Variants in PLCB2 observed in about 807,000 individuals in gnomAD.
The protein encoded by PLCB2 is 1-phosphatidylinositol 4,5-bisphosphate phosphodiesterase beta-2.
In PLCB2, 115 loss-of-function variants were observed where a neutral mutation model predicts 141.7. That is an observed-to-expected ratio of 0.81 (90% CI 0.70 to 0.95). The LOEUF is 0.95. Ranked by LOEUF, PLCB2 falls within the 40% of genes least tolerant of loss-of-function variation. The probability of loss-of-function intolerance (pLI) is 0.00; values close to 1 mark genes in which losing one functional copy is unlikely to be tolerated. For synonymous variants in PLCB2, 603 were observed against 595.6 expected, an observed-to-expected ratio of 1.01 and a Z score of -0.18; for missense variants, 1,403 against 1,541.1, an observed-to-expected ratio of 0.91 and a Z score of 1.50.
chr15:40,284,444 C>T (rs1436081016), downstream of PLCB2: 1 of 454,394 alleles, frequency 2.2e-6, no homozygotes, highest in Non-Finnish European at 4.4e-6. Flanking sequence ...CGTACCAACA[C>T]AGTCCTTGGA....
chr15:40,306,391 C>T (rs28536685), intron 1 of PLCB2, among the ~76,000 whole-genome samples: 1,979 of 152,208 alleles, frequency 0.013, 47 homozygotes, highest in African/African-American at 0.045. Context: ...GGACAGTCTC[C>T]GCTGGCCACC....
rs562788467 is a variant in PLCB2, at chr15:40,300,032, T to G, written c.583-804A>C. Among the ~76,000 whole-genome samples the G allele has an allele frequency of 1.5e-3, 231 of 152,282 alleles. 1 individual carries two copies. The highest frequency in any genetic ancestry group is 5.4e-3 in the African/African-American group (223 of 41,556). On this transcript the variant is annotated intron_variant, in intron 7 of 31. Coordinates refer to ENST00000260402, the MANE Select transcript of PLCB2 (RefSeq NM_004573.3). Reference sequence around the variant, plus strand: ...AACAAAAAACAGACAATCACAAGTGTCAGCGGGATGTGACTAACCTAAAAC... The same window carrying G: ...AACAAAAAACAGACAATCACAAGTGGCAGCGGGATGTGACTAACCTAAAAC...
chr15:40,285,584 C>T, downstream of PLCB2: 1 of 985,422 alleles, frequency 1.0e-6, no homozygotes, highest in Non-Finnish European at 1.2e-6. Flanking sequence ...TGGGGTGGCC[C>T]CCAGGAATGG....
chr15:40,288,471 T>C lies in PLCB2; in HGVS notation c.*244A>G, dbSNP rs926015219. 1 of 1,260,196 alleles carries C rather than the reference T, an allele frequency of 7.9e-7. No homozygotes were observed. Among genetic ancestry groups the C allele is most frequent in the Non-Finnish European group, 1.0e-6 (1 of 1,002,040 alleles). 78.1% of individuals were successfully genotyped at this position (1,260,196 alleles called of 1,614,324 possible). ...CAAATATATGACACTTATCTAGAGA[T>C]GGAGGGGGAGGTAGGAAGTCAGCTT... is the stretch of plus-strand genomic sequence containing the variant. On this transcript the variant is annotated 3_prime_UTR_variant, in exon 32 of 32. Coordinates refer to ENST00000260402, the MANE Select transcript of PLCB2 (RefSeq NM_004573.3).
At chr15:40,298,190 CA>C (rs2040329498) in intron 11 of PLCB2, 32 bp downstream of exon 11, 1 of 1,531,018 alleles carries the variant, frequency 6.5e-7, no homozygotes, top group Non-Finnish European at 8.8e-7. Context: ...TCCCTACTGC[CA>C]CGGCCACCAG....
Position 40,304,057 on chromosome 15 carries a change from C to T in PLCB2, c.106G>A (p.Val36Ile). 6.2e-7 allele frequency: 1 copy of T among 1,600,588 alleles called. No homozygotes were observed. The highest frequency in any genetic ancestry group is 1.3e-5 in the African/African-American group (1 of 74,930). The change falls in exon 2 of 32, where the codon GTT (valine) becomes ATT (isoleucine). Residue 36 changes from valine to isoleucine, a missense_variant. Transcript: ENST00000260402. ...CCCTTAGGATCCACACGGAGGATAA[C>T]TGGAGAGGCAACTGTAGTTTCCTGC... Reference protein sequence around the residue: ...WDDETTVASPVILRVDPKGYY... With the variant: ...WDDETTVASPIILRVDPKGYY...
rs1294024793 is a variant in PLCB2, at chr15:40,288,564, C to T, written c.*151G>A. 2.2e-6 allele frequency: 3 copies of T among 1,385,224 alleles called. No homozygotes were observed. In the East Asian group the frequency reaches 7.7e-5, roughly 35 times the overall value. 85.8% of individuals were successfully genotyped at this position (1,385,224 alleles called of 1,614,324 possible). On this transcript the variant is annotated 3_prime_UTR_variant, in exon 32 of 32. Coordinates refer to ENST00000260402, the MANE Select transcript of PLCB2 (RefSeq NM_004573.3). Reference sequence around the variant, plus strand: ...CCTGGGTCCTGTCTCAGACTCTGGCCTGGCCGTTGAGGAGGGGGCTGCAGC... The same window carrying T: ...CCTGGGTCCTGTCTCAGACTCTGGCTTGGCCGTTGAGGAGGGGGCTGCAGC...
chr15:40,307,603 T>G lies in PLCB2; in HGVS notation c.70A>C (p.Ile24Leu), dbSNP rs774673471. The change falls in exon 1 of 32, where the codon ATC becomes CTC. Residue 24 changes from isoleucine to leucine, a missense_variant. Ile to Leu is a conservative substitution (Grantham distance 5). Coordinates refer to ENST00000260402, the MANE Select transcript of PLCB2 (RefSeq NM_004573.3). Reference protein sequence around the residue: ...KAYLSQGERFIKWDDETTVAS... With the variant: ...KAYLSQGERFLKWDDETTVAS... The stretch of plus-strand genomic sequence containing the variant: ...GCCCCACTTACATCATCCCATTTGA[T>G]GAAGCGCTCCCCTTGGCTCAGATAG... 5 of 1,587,410 alleles carry G rather than the reference T, an allele frequency of 3.1e-6. No homozygotes were observed. Among genetic ancestry groups the G allele is most frequent in the Non-Finnish European group, 4.3e-6 (5 of 1,165,074 alleles).
downstream of PLCB2, among the ~76,000 whole-genome samples, chr15:40,287,341 A>G (rs2039627482): frequency 6.6e-6 from 1 of 152,192 alleles, no homozygotes; most frequent in Non-Finnish European, 1.5e-5. Flanking sequence ...AGGTGCTCAC[A>G]GCTAACGGCA....
Position 40,297,303 on chromosome 15 carries a change from G to GGTAATACA in PLCB2, c.1323+210_1323+217dup, listed in dbSNP as rs59419768. Among the ~76,000 whole-genome samples, 41,094 of 151,692 alleles carry GGTAATACA rather than the reference G, an allele frequency of 0.27. 6,253 individuals carry two copies. Among genetic ancestry groups the GGTAATACA allele is most frequent in the East Asian group, 0.65 (3,332 of 5,092 alleles). ...TTACTTGTCTGTCTCCTCACTAGAG[G>GGTAATACA]GTAATACACCTGAGGGCAGTGACTG... On this transcript the variant is annotated intron_variant, in intron 13 of 31. Coordinates refer to ENST00000260402, the MANE Select transcript of PLCB2 (RefSeq NM_004573.3). The surrounding 1 kb of genome is among the most constrained non-coding windows in gnomAD (Gnocchi z 4.2).
At chr15:40,284,834 GTC>G (rs2039586927), downstream of PLCB2, among the ~76,000 whole-genome samples, 1 of 22,434 alleles carries the variant, frequency 4.5e-5, no homozygotes, top group East Asian at 5.3e-3. Context: ...GTGAGACTCC[GTC>G]AAAAAAAAAA....
chr15:40,301,257 C>T (rs1323020880), intron 7 of PLCB2: 1 of 358,442 alleles, frequency 2.8e-6, no homozygotes, highest in Non-Finnish European at 5.1e-6. Context: ...GGAGAAAATA[C>T]TCCATGGGGT....
In PLCB2 at chr15:40,297,840, TG is replaced by T; in HGVS notation, c.1238+36del. On this transcript the variant is annotated intron_variant, in intron 12 of 31. Transcript: ENST00000260402. The surrounding 1 kb of genome is among the most constrained non-coding windows in gnomAD (Gnocchi z 4.2). ...CAGTTGCAGACAGGAGACTGGGGGC[TG>T]GGTGAGAATGTGGCTGAATGGGCCT... 1 of 1,515,928 alleles carries T rather than the reference TG, an allele frequency of 6.6e-7. No individual in the cohort carries two copies. 93.9% of individuals were successfully genotyped at this position (1,515,928 alleles called of 1,614,324 possible).
In PLCB2 at chr15:40,298,408, G is replaced by C. The variant is rs28395841; in HGVS notation, c.998-28C>G. 10,863 of 1,574,626 alleles carry C rather than the reference G, an allele frequency of 6.9e-3. 201 individuals carry two copies. Among genetic ancestry groups the C allele is most frequent in the East Asian group, 0.065 (2,899 of 44,366 alleles). ...GAGCCAGAGGATGGGGAAGAGGTGA[G>C]GGCATCACCCAAAGGCAGCCCAGCT... On this transcript the variant is annotated intron_variant, in intron 10 of 31. Coordinates refer to ENST00000260402, the MANE Select transcript of PLCB2 (RefSeq NM_004573.3).
intron 31 of PLCB2, 164 bp from the exon 32 acceptor site, chr15:40,289,082 C>T (rs1303157432): frequency 8.6e-7 from 1 of 1,160,048 alleles, no homozygotes; most frequent in African/African-American, 1.5e-5. Flanking sequence ...TCAGGAGCCT[C>T]TCAGGAAAGG....
At chr15:40,305,428 A>T (rs4924452) in intron 1 of PLCB2, among the ~76,000 whole-genome samples, 151,663 of 152,204 alleles carry the variant, frequency 1, 75,566 homozygotes, top group Middle Eastern at 1. Flanking sequence ...CCAGGAGACC[A>T]AGTGGACTAC....
Position 40,297,877 on chromosome 15 carries a change from G to GGTT in PLCB2, c.1237_1238insAAC (p.Ser413delinsTer). On this transcript the variant is annotated stop_gained and splice_region_variant, in exon 12 of 32. Coordinates refer to ENST00000260402, the MANE Select transcript of PLCB2 (RefSeq NM_004573.3). LOFTEE classifies it high-confidence loss of function. This position sits in a 1 kb window ranked among gnomAD's most constrained non-coding sequence, Gnocchi z 4.2. ...TGGCTGAATGGGCCTGGATACGCAC[G>GGTT]AGTCCACATGGTTCTCAAACGACAG... The GGTT allele has an allele frequency of 1.2e-6, 2 of 1,611,578 alleles. No homozygotes were observed. The highest frequency in any genetic ancestry group is 8.5e-7 in the Non-Finnish European group (1 of 1,177,756).
chr15:40,305,086 T>C (rs960637435), intron 1 of PLCB2, among the ~76,000 whole-genome samples: 11 of 152,096 alleles, frequency 7.2e-5, no homozygotes, highest in African/African-American at 2.7e-4. Flanking sequence ...TCCATTCCCT[T>C]ACCTCCCCAA....
chr15:40,301,234 C>T (rs1033038354), intron 7 of PLCB2: 3 of 287,838 alleles, frequency 1.0e-5, no homozygotes, highest in Non-Finnish European at 2.0e-5. Flanking sequence ...TATAACGTTC[C>T]AAATTCTTAC....
Sources: gnomAD v4.1 joint callset for allele counts (sites outside exome capture counted in the v4.1 genomes callset) on GRCh38, gnomAD v4.1.1 for gene constraint, Gnocchi (gnomAD v3.1) non-coding constraint, MANE v1.5 for transcripts, NCBI Gene and HGNC (gene_info 2026-07-23, HGNC 2026-07-21) for gene names.